Variants in DKC1 observed in about 807,000 individuals in gnomAD.
DKC1 encodes the protein H/ACA ribonucleoprotein complex subunit DKC1.
Under a neutral mutation model 46.7 loss-of-function variants are expected in DKC1, and 4 were observed. The ratio of observed to expected loss-of-function variants is 0.09; its 90% CI spans 0.04 to 0.20. DKC1 has a LOEUF of 0.20. Ranked by LOEUF, DKC1 falls within the 10% of genes least tolerant of loss-of-function variation. DKC1 has a pLI of 1.00. For missense variants in DKC1, 171 were observed against 404.2 expected (o/e 0.42, Z 4.95); for synonymous variants, 141 against 142.4 (o/e 0.99, Z 0.07).
At chrX:154,769,629 G>A (rs2071796156) in intron 9 of DKC1, among the ~76,000 whole-genome samples, 1 of 111,483 alleles carries the variant, frequency 9.0e-6, no homozygotes, top group African/African-American at 3.3e-5. Context: ...CAGAGAGTTG[G>A]CCTTTTATAA....
chrX:154,764,298 T>C (rs1329136639), intron 1 of DKC1, among the ~76,000 whole-genome samples: 1 of 109,542 alleles, frequency 9.1e-6, no homozygotes, highest in Non-Finnish European at 1.9e-5. Flanking sequence ...GCACTTACCA[T>C]GAATGGAGCT....
In DKC1 at chrX:154,777,011, G is replaced by A. The variant is rs782017696; in HGVS notation, c.*144G>A. 155 of 464,541 alleles carry A rather than the reference G, an allele frequency of 3.3e-4. 1 individual carries two copies. Among genetic ancestry groups the A allele is most frequent in the Non-Finnish European group, 5.4e-4 (146 of 268,158 alleles). 38.3% of individuals were successfully genotyped at this position (464,541 alleles called of 1,213,427 possible). A position where few individuals can be genotyped will look rare whatever the true frequency, so the allele number is the denominator to read the frequency against. ...ATTTTAGCTGCTACTTTGAGACCTC[G>A]GTGATGTTACCTGGTGTGGTCATCC... On this transcript the variant is annotated 3_prime_UTR_variant, in exon 15 of 15. Coordinates refer to ENST00000369550, the MANE Select transcript of DKC1 (RefSeq NM_001363.5).
chrX:154,772,828 GCC>G (rs2071840931), intron 10 of DKC1, among the ~76,000 whole-genome samples: 1 of 111,956 alleles, frequency 8.9e-6, no homozygotes. Flanking sequence ...AGGTTCTGTG[GCC>G]CCAAAGGGAG....
At chrX:154,764,600 CTTAAAAAATTTTTTTTTG>C (rs1775273322) in intron 1 of DKC1, among the ~76,000 whole-genome samples, 1 of 110,848 alleles carries the variant, frequency 9.0e-6, no homozygotes. Context: ...TAATTTTTTT[CTTAAAAAATTTTTTTTTG>C]TTAACTAAGA....
intron 4 of DKC1, 24 bp downstream of exon 4, chrX:154,766,022 T>C: frequency 8.8e-7 from 1 of 1,137,871 alleles, no homozygotes; most frequent in Non-Finnish European, 1.2e-6. Context: ...GGAGGCACTG[T>C]GCAAACTTAC....
At chrX:154,764,817 G>C in intron 1 of DKC1, 82 bp from the exon 2 acceptor site, 1 of 700,981 alleles carries the variant, frequency 1.4e-6, no homozygotes, top group African/African-American at 2.1e-5. Context: ...TTTCCTACCT[G>C]CCCTAATTTC....
In DKC1 at chrX:154,766,202, T is replaced by C. The variant is rs782498177; in HGVS notation, c.264-14T>C. 1 of 1,206,062 alleles carries C rather than the reference T, an allele frequency of 8.3e-7. No homozygotes were observed. Among genetic ancestry groups the C allele is most frequent in the African/African-American group, 1.8e-5 (1 of 56,892 alleles). ...GAGTGGGTGATACATTAATTTTTTT[T>C]TTTTCCATTCCAGGACAGGTTTCAT... On this transcript the variant is annotated splice_polypyrimidine_tract_variant and intron_variant, in intron 4 of 14. Transcript: ENST00000369550.
intron 1 of DKC1, among the ~76,000 whole-genome samples, chrX:154,764,169 T>TTATA (rs57268312): frequency 2.8e-5 from 3 of 105,865 alleles, no homozygotes; most frequent in East Asian, 3.0e-4. Context: ...AAAAAAAAAA[T>TTATA]TATATATATA....
At chrX:154,769,368 G>A in intron 9 of DKC1, 58 bp downstream of exon 9, 1 of 1,117,493 alleles carries the variant, frequency 8.9e-7, no homozygotes, top group Non-Finnish European at 1.2e-6. Flanking sequence ...GATGAGGCTT[G>A]CTCTTTTTAT....
chrX:154,774,860 G>A, intron 12 of DKC1, 155 bp downstream of exon 12: 1 of 589,881 alleles, frequency 1.7e-6, no homozygotes, highest in Non-Finnish European at 3.0e-6. Context: ...GAACAGGTGA[G>A]CATGGAGGTT....
intron 10 of DKC1, among the ~76,000 whole-genome samples, chrX:154,771,499 T>G (rs1249116633): frequency 9.3e-6 from 1 of 107,155 alleles, no homozygotes; most frequent in Non-Finnish European, 1.9e-5. Flanking sequence ...TTTTTTTTTT[T>G]GTACCCATTA....
intron 1 of DKC1, 50 bp downstream of exon 1, chrX:154,763,031 A>ACGGGGGTGGGGGGATGGTAT: frequency 3.7e-6 from 4 of 1,075,425 alleles, no homozygotes; most frequent in Non-Finnish European, 3.8e-6. Flanking sequence ...GACTCGGGGA[A>ACGGGGGTGGGGGGATGGTAT]CGGGGGTGGG....
chrX:154,765,337 T>G (rs2071731905), intron 2 of DKC1, 107 bp from the exon 3 acceptor site: 2 of 675,032 alleles, frequency 3.0e-6, no homozygotes, highest in Non-Finnish European at 4.9e-6. Flanking sequence ...TGAAAAGGCA[T>G]AGGAAGCCTT....
chrX:154,765,348 GT>G, intron 2 of DKC1, 95 bp from the exon 3 acceptor site: 1 of 739,132 alleles, frequency 1.4e-6, no homozygotes, highest in Non-Finnish European at 2.2e-6. Flanking sequence ...AGGAAGCCTT[GT>G]TTTCTGTTTA....
intron 11 of DKC1, among the ~76,000 whole-genome samples, chrX:154,773,879 C>A (rs960451894): frequency 9.0e-6 from 1 of 111,722 alleles, no homozygotes; most frequent in African/African-American, 3.3e-5. Context: ...TAGGGGCGGC[C>A]GGGCAGAGGC....
rs781839981 is a variant in DKC1 at position 154,765,686 on chromosome X, G to GA, written c.171+157dup. Among the ~76,000 whole-genome samples the GA allele has an allele frequency of 7.6e-3, 859 of 112,659 alleles. 8 individuals carry two copies. Among genetic ancestry groups the GA allele is most frequent in the African/African-American group, 0.027 (824 of 31,015 alleles). ...CAGGATTCCTTAAGGTATCTGAAAT[G>GA]AGAACCAAGTTTTTAAAAAATTGGC... On this transcript the variant is annotated intron_variant, in intron 3 of 14. Coordinates refer to ENST00000369550, the MANE Select transcript of DKC1 (RefSeq NM_001363.5).
chrX:154,767,470 C>G (rs1370642719), intron 7 of DKC1, 88 bp downstream of exon 7: 7 of 1,076,751 alleles, frequency 6.5e-6, no homozygotes, highest in Non-Finnish European at 9.0e-6. Flanking sequence ...AAGTTGAAGA[C>G]TTTCTAAAAC....
chrX:154,768,546 A>G (rs1557264516), intron 8 of DKC1, 114 bp downstream of exon 8: 1 of 980,296 alleles, frequency 1.0e-6, no homozygotes, highest in Non-Finnish European at 1.5e-6. Flanking sequence ...TGTTGAGTTC[A>G]GTCCAGGGCA....
intron 5 of DKC1, 27 bp from the exon 6 acceptor site, chrX:154,766,970 C>T (rs2071753775): frequency 8.3e-7 from 1 of 1,199,675 alleles, no homozygotes; most frequent in East Asian, 3.0e-5. Context: ...AGTGGCCACA[C>T]CTGACTACTC....
Sources: allele counts gnomAD v4.1 joint callset (sites outside exome capture counted in the v4.1 genomes callset), GRCh38; gene constraint gnomAD v4.1.1; transcripts MANE v1.5; gene names NCBI Gene and HGNC (gene_info 2026-07-23, HGNC 2026-07-21).